CMC1: variants seen among roughly 807,000 people sequenced by gnomAD.
The protein encoded by CMC1 is C-X9-C motif containing 1.
In CMC1, 14 loss-of-function variants were observed where a neutral mutation model predicts 14.1. The ratio of observed to expected loss-of-function variants is 0.99; its 90% CI spans 0.66 to 1.55. CMC1 has a LOEUF of 1.55. Ranked by LOEUF, CMC1 falls within the 40% of genes most tolerant of loss-of-function variation. CMC1 has a pLI of 0.00. For missense variants in CMC1, 127 were observed against 123.8 expected (o/e 1.03, Z -0.12); for synonymous variants, 50 against 38.4 (o/e 1.30, Z -1.12).
intron 2 of CMC1, among the ~76,000 whole-genome samples, chr3:28,282,599 A>T (rs35736614): frequency 0.21 from 32,322 of 152,094 alleles, 4,227 homozygotes; most frequent in Middle Eastern, 0.3. Context: ...AACACAGTTT[A>T]ATCTTTTAAT....
chr3:28,313,673 T>C (rs1203857510), intron 2 of CMC1, among the ~76,000 whole-genome samples: 18 of 152,172 alleles, frequency 1.2e-4, no homozygotes, highest in Admixed American at 1.2e-3. Context: ...CCTGAAGATA[T>C]TTGGACAAGT....
intron 1 of CMC1, among the ~76,000 whole-genome samples, chr3:28,248,693 T>C (rs1698958572): frequency 6.6e-6 from 1 of 152,216 alleles, no homozygotes; most frequent in Non-Finnish European, 1.5e-5. Flanking sequence ...AGTATTACCT[T>C]GTACTTGATA....
In CMC1 at chr3:28,263,311, G is replaced by A. The variant is rs147199271; in HGVS notation, c.40G>A (p.Glu14Lys). ...DPADQHLRHV[E>K]KDVLIPKIMR... ...TTCAGACCAGCATCTCAGACATGTC[G>A]AAAAAGATGTTTTGATCCCTAAAAT... Residue 14 changes from glutamate (E) to lysine (K), a missense_variant, in exon 2 of 4, where the codon GAA (glutamate) becomes AAA (lysine). Physicochemically the swap from Glu to Lys is moderately conservative, Grantham distance 56. Transcript: ENST00000466830. 2.4e-5 allele frequency: 38 copies of A among 1,605,350 alleles called. No homozygotes were observed. The highest frequency in any genetic ancestry group is 4.5e-5 in the East Asian group (2 of 44,378).
At chr3:28,310,368 A>G (rs999914695) in intron 2 of CMC1, among the ~76,000 whole-genome samples, 5 of 152,200 alleles carry the variant, frequency 3.3e-5, no homozygotes, top group Admixed American at 6.5e-5. Context: ...AGTACTTTGA[A>G]AATGTTTGTT....
In CMC1 at chr3:28,323,931, A is replaced by T. The variant is rs1232941652; in HGVS notation, c.*4302A>T. Reference sequence around the variant, plus strand: ...GTGTGTTCAAATATAGATACTGAAGACCTCTGCAAAATTTTAATCAAAATC... The same window carrying T: ...GTGTGTTCAAATATAGATACTGAAGTCCTCTGCAAAATTTTAATCAAAATC... On this transcript the variant is annotated 3_prime_UTR_variant, in exon 4 of 4. Coordinates refer to ENST00000466830, the MANE Select transcript of CMC1 (RefSeq NM_182523.2). 9.6e-6 allele frequency: 12 copies of T among 1,254,540 alleles called. No homozygotes were observed. Among genetic ancestry groups the T allele is most frequent in the African/African-American group, 3.0e-5 (2 of 65,608 alleles). 77.7% of individuals were successfully genotyped at this position (1,254,540 alleles called of 1,614,324 possible).
At chr3:28,287,155 A>T (rs1323486779) in intron 2 of CMC1, among the ~76,000 whole-genome samples, 1 of 152,096 alleles carries the variant, frequency 6.6e-6, no homozygotes, top group Non-Finnish European at 1.5e-5. Flanking sequence ...TTCCTCCCTT[A>T]TTCTGCCCAA....
At chr3:28,254,377 A>C (rs1342451501) in intron 1 of CMC1, among the ~76,000 whole-genome samples, 1 of 152,152 alleles carries the variant, frequency 6.6e-6, no homozygotes, top group African/African-American at 2.4e-5. Context: ...CAAGTGGGAA[A>C]ATCTTTAGTA....
chr3:28,323,086 T>C lies in CMC1; in HGVS notation c.*3457T>C. The C allele has an allele frequency of 6.6e-6, 1 of 151,036 alleles. No homozygotes were observed. Among genetic ancestry groups the C allele is most frequent in the East Asian group, 1.9e-4 (1 of 5,156 alleles). 9.4% of individuals were successfully genotyped at this position (151,036 alleles called of 1,614,324 possible). On this transcript the variant is annotated 3_prime_UTR_variant, in exon 4 of 4. Coordinates refer to ENST00000466830, the MANE Select transcript of CMC1 (RefSeq NM_182523.2). ...AAACCCTGATTTCTATGATTAAAAA[T>C]AATAATTTTAAATCACTTTCTCAAT...
intron 1 of CMC1, among the ~76,000 whole-genome samples, chr3:28,262,677 G>A (rs1379136021): frequency 1.3e-5 from 2 of 152,006 alleles, no homozygotes; most frequent in Non-Finnish European, 2.9e-5. Flanking sequence ...TTCACTGAAG[G>A]CACTTATCCT....
At chr3:28,267,488 C>T (rs1208901199) in intron 2 of CMC1, among the ~76,000 whole-genome samples, 1 of 152,140 alleles carries the variant, frequency 6.6e-6, no homozygotes. Context: ...TTACTGACTC[C>T]TTTCATCCCT....
At chr3:28,253,248 G>A (rs1000864410) in intron 1 of CMC1, among the ~76,000 whole-genome samples, 5 of 152,086 alleles carry the variant, frequency 3.3e-5, no homozygotes, top group Admixed American at 6.5e-5. Flanking sequence ...CCTTCTTCCC[G>A]GGGCTCTGCC....
intron 2 of CMC1, among the ~76,000 whole-genome samples, chr3:28,274,212 G>C (rs74923183): frequency 2.3e-4 from 20 of 88,200 alleles, no homozygotes; most frequent in Non-Finnish European, 3.7e-4. Flanking sequence ...AAGTGTTTTT[G>C]TTTTTTTCTT....
intron 1 of CMC1, among the ~76,000 whole-genome samples, chr3:28,262,054 A>G (rs1189835452): frequency 1.3e-5 from 2 of 152,106 alleles, no homozygotes; most frequent in African/African-American, 4.8e-5. Context: ...CTCACTCATA[A>G]TTGGTAGTTT....
chr3:28,272,976 C>T (rs539338183), intron 2 of CMC1, among the ~76,000 whole-genome samples: 5 of 152,258 alleles, frequency 3.3e-5, no homozygotes, highest in South Asian at 2.1e-4. Flanking sequence ...TGAGCCACCA[C>T]GCCCAGCCTT....
intron 2 of CMC1, among the ~76,000 whole-genome samples, chr3:28,278,049 T>TGTGTGATTGATGTGATA (rs1700678570): frequency 6.6e-6 from 1 of 152,026 alleles, no homozygotes. Context: ...TTTGTCTGAT[T>TGTGTGATTGATGTGATA]GTGTGATTGA....
rs1698533751 is a variant in CMC1, at chr3:28,241,831, G to A, written c.19+19G>A. 1 of 1,237,712 alleles carries A rather than the reference G, an allele frequency of 8.1e-7. No individual in the cohort carries two copies. The highest frequency in any genetic ancestry group is 1.0e-6 in the Non-Finnish European group (1 of 988,066). 76.7% of individuals were successfully genotyped at this position (1,237,712 alleles called of 1,614,324 possible). A position where few individuals can be genotyped will look rare whatever the true frequency, so the allele number is the denominator to read the frequency against. On this transcript the variant is annotated intron_variant, in intron 1 of 3. Transcript: ENST00000466830. ...CCCGCAGGTACCGGGGCGGGAAGCG[G>A]GGTTTGCCGAGGGGCCTCGCCCCGG...
chr3:28,278,965 T>C (rs1700729785), intron 2 of CMC1, among the ~76,000 whole-genome samples: 1 of 152,218 alleles, frequency 6.6e-6, no homozygotes, highest in Non-Finnish European at 1.5e-5. Context: ...TACTTTATAT[T>C]ACCTAAACTT....
At chr3:28,269,207 A>G (rs551554677) in intron 2 of CMC1, among the ~76,000 whole-genome samples, 3 of 152,282 alleles carry the variant, frequency 2.0e-5, no homozygotes, top group Admixed American at 2.0e-4. Context: ...CGTATCCCCC[A>G]TGCATAACAG....
intron 2 of CMC1, among the ~76,000 whole-genome samples, chr3:28,308,914 C>T (rs1032399526): frequency 7.9e-5 from 12 of 151,384 alleles, no homozygotes; most frequent in Non-Finnish European, 4.4e-5. Context: ...ACCTGGGAGG[C>T]GGAGGTTGCA....
Sources: allele counts gnomAD v4.1 joint callset (sites outside exome capture counted in the v4.1 genomes callset), GRCh38; gene constraint gnomAD v4.1.1; transcripts MANE v1.5; gene names NCBI Gene and HGNC (gene_info 2026-07-23, HGNC 2026-07-21).